Variants in CUX2 observed in about 807,000 individuals in gnomAD.
The protein encoded by CUX2 is homeobox protein cut-like 2.
Under a neutral mutation model 144.8 loss-of-function variants are expected in CUX2, and 40 were observed. The ratio of observed to expected loss-of-function variants is 0.28; its 90% CI spans 0.21 to 0.36. The LOEUF (loss-of-function observed/expected upper bound fraction) is 0.36. Among genes scored for constraint, CUX2 ranks in the 10% least tolerant of loss-of-function variants. The pLI is 1.00. For synonymous variants in CUX2, 827 were observed against 875.6 expected, an observed-to-expected ratio of 0.94 and a Z score of 0.98; for missense variants, 1,615 against 1,994.0, an observed-to-expected ratio of 0.81 and a Z score of 3.62.
At chr12:111,172,945 A>G (rs971441335) in intron 1 of CUX2, among the ~76,000 whole-genome samples, 21 of 152,198 alleles carry the variant, frequency 1.4e-4, no homozygotes, top group Non-Finnish European at 8.8e-5. Flanking sequence ...CAGCATCGAG[A>G]AGCTTCCAAT....
At chr12:111,214,088 T>C in intron 1 of CUX2, 112 bp from the exon 2 acceptor site, 1 of 509,130 alleles carries the variant, frequency 2.0e-6, no homozygotes, top group South Asian at 4.4e-5. Flanking sequence ...GCTTTGTAAG[T>C]TAAGAAAACT....
rs1040657924 is a variant in CUX2 at position 111,289,935 on chromosome 12, C to T, written c.302-1483C>T. On this transcript the variant is annotated intron_variant, in intron 4 of 21. Coordinates refer to ENST00000261726, the MANE Select transcript of CUX2 (RefSeq NM_015267.4). The surrounding 1 kb of genome is among the most constrained non-coding windows in gnomAD (Gnocchi z 4.1). ...CCACATAGCCTACAGAAGTGCTGGC[C>T]GAGGCCATGGGGGAGTCATCACTCC... 2.6e-5 allele frequency among the ~76,000 whole-genome samples: 4 copies of T among 152,154 alleles called. No individual in the cohort carries two copies. Among genetic ancestry groups the T allele is most frequent in the Admixed American group, 6.6e-5 (1 of 15,254 alleles).
chr12:111,294,718 G>A (rs1885879611), intron 6 of CUX2, among the ~76,000 whole-genome samples: 1 of 151,988 alleles, frequency 6.6e-6, no homozygotes, highest in South Asian at 2.1e-4. Context: ...CCAACATGGT[G>A]AAACCCTGTC....
At chr12:111,196,092 G>A (rs531793440) in intron 1 of CUX2, among the ~76,000 whole-genome samples, 3 of 152,134 alleles carry the variant, frequency 2.0e-5, no homozygotes, top group Non-Finnish European at 4.4e-5. Flanking sequence ...TGGTCGTTTC[G>A]TACAAATGGG....
chr12:111,202,147 T>A (rs1880634086), intron 1 of CUX2, among the ~76,000 whole-genome samples: 1 of 152,192 alleles, frequency 6.6e-6, no homozygotes, highest in African/African-American at 2.4e-5. Flanking sequence ...ATGATCATTT[T>A]GTGGGATCCC....
chr12:111,115,002 T>G (rs1874201151), intron 1 of CUX2, among the ~76,000 whole-genome samples: 1 of 152,218 alleles, frequency 6.6e-6, no homozygotes, highest in Non-Finnish European at 1.5e-5. Context: ...TTCTTGGCAT[T>G]TTATTCTTTT....
intron 1 of CUX2, among the ~76,000 whole-genome samples, chr12:111,213,426 TCC>T (rs1322932535): frequency 1.3e-5 from 2 of 151,948 alleles, no homozygotes; most frequent in African/African-American, 4.8e-5. Context: ...AGCCGAAGCA[TCC>T]CCCCTTCCAT....
rs566098404 is a variant in CUX2, at chr12:111,290,994, C to T, written c.302-424C>T. ...TCTCCTGCTTCAGCCTCCCGAATAG[C>T]TGGGACTACAAGCATGCACCACCAC... On this transcript the variant is annotated intron_variant, in intron 4 of 21. Transcript: ENST00000261726. 2.1e-4 allele frequency among the ~76,000 whole-genome samples: 32 copies of T among 152,104 alleles called. 1 individual carries two copies. In the Middle Eastern group the frequency reaches 0.014, roughly 65 times the overall value.
chr12:111,150,842 CGA>C (rs971032670), intron 1 of CUX2, among the ~76,000 whole-genome samples: 3 of 152,022 alleles, frequency 2.0e-5, no homozygotes, highest in Admixed American at 2.0e-4. Context: ...ACCACAAAGA[CGA>C]GAGGTCACGT....
chr12:111,213,279 A>G (rs1881332541), intron 1 of CUX2, among the ~76,000 whole-genome samples: 1 of 152,244 alleles, frequency 6.6e-6, no homozygotes, highest in South Asian at 2.1e-4. Flanking sequence ...TTCTTGAATT[A>G]TGCAAATGAA....
intron 16 of CUX2, among the ~76,000 whole-genome samples, chr12:111,317,712 C>T (rs1358671953): frequency 6.6e-6 from 1 of 151,998 alleles, no homozygotes; most frequent in Non-Finnish European, 1.5e-5. Flanking sequence ...ACATGTGATA[C>T]CGACCGGGCG....
intron 16 of CUX2, among the ~76,000 whole-genome samples, chr12:111,318,597 T>A (rs1192924527): frequency 8.6e-5 from 12 of 139,774 alleles, no homozygotes; most frequent in East Asian, 2.3e-4. Context: ...CATCTCTTTT[T>A]TTAAAAAAAA....
In CUX2 at chr12:111,310,202, C is replaced by T; in HGVS notation, c.1420C>T (p.Arg474Trp). 1 of 1,521,898 alleles carries T rather than the reference C, an allele frequency of 6.6e-7. No individual in the cohort carries two copies. Among genetic ancestry groups the T allele is most frequent in the Non-Finnish European group, 8.8e-7 (1 of 1,135,898 alleles). The allele number at this position is 1,521,898 out of a possible 1,614,324, so 94.3% of individuals were successfully genotyped here. A position where few individuals can be genotyped will look rare whatever the true frequency, so the allele number is the denominator to read the frequency against. The change falls in exon 15 of 22, where the codon CGG (arginine) becomes TGG (tryptophan). Residue 474 changes from arginine (R) to tryptophan (W), a missense_variant. Transcript: ENST00000261726. This position sits in a 1 kb window ranked among gnomAD's most constrained non-coding sequence, Gnocchi z 7.9. ...LGPSLGPDGT[R>W]TFSLSPFPSL... ...CCCCAGCTTGGGGCCTGACGGCACT[C>T]GGACTTTCTCGCTGTCCCCCTTCCC...
At chr12:111,306,220 C>A (rs559582251) in intron 10 of CUX2, among the ~76,000 whole-genome samples, 4 of 151,726 alleles carry the variant, frequency 2.6e-5, no homozygotes, top group African/African-American at 4.8e-5. Context: ...CAGTGGCACT[C>A]GATGCTAATT....
At chr12:111,096,344 C>T (rs1872815091) in intron 1 of CUX2, among the ~76,000 whole-genome samples, 1 of 152,228 alleles carries the variant, frequency 6.6e-6, no homozygotes, top group Non-Finnish European at 1.5e-5. Flanking sequence ...CTACCCCTCA[C>T]ATCCTTTCTT....
intron 1 of CUX2, among the ~76,000 whole-genome samples, chr12:111,056,987 G>A (rs962168624): frequency 2.0e-5 from 3 of 152,074 alleles, no homozygotes; most frequent in African/African-American, 7.2e-5. Flanking sequence ...GGGGGACAGA[G>A]TGTAACAAGC....
intron 1 of CUX2, among the ~76,000 whole-genome samples, chr12:111,199,083 T>C (rs1483178444): frequency 2.0e-5 from 3 of 152,122 alleles, no homozygotes; most frequent in African/African-American, 7.2e-5. Flanking sequence ...GGAGGAGGCC[T>C]CGGAAATAAT....
chr12:111,345,759 C>T (rs1372504518), intron 21 of CUX2, among the ~76,000 whole-genome samples: 3 of 147,048 alleles, frequency 2.0e-5, no homozygotes, highest in Non-Finnish European at 4.5e-5. Context: ...AAAAGTTTCA[C>T]GAAAAAGAAA....
intron 1 of CUX2, among the ~76,000 whole-genome samples, chr12:111,108,727 A>C (rs1161416113): frequency 1.6e-4 from 11 of 70,228 alleles, no homozygotes; most frequent in East Asian, 3.8e-4. Context: ...TCCTCGCCCC[A>C]CTCTCCTCTC....
Sources: allele counts gnomAD v4.1 joint callset (sites outside exome capture counted in the v4.1 genomes callset), GRCh38; gene constraint gnomAD v4.1.1; non-coding constraint Gnocchi (gnomAD v3.1); transcripts MANE v1.5; gene names NCBI Gene and HGNC (gene_info 2026-07-23, HGNC 2026-07-21).